GRB2: variants seen among roughly 807,000 people sequenced by gnomAD.
GRB2 encodes the protein growth factor receptor bound protein 2.
In GRB2, 2 loss-of-function variants were observed where a neutral mutation model predicts 27.4. That is an observed-to-expected ratio of 0.07 (90% confidence interval 0.03 to 0.23). The LOEUF is 0.23. Ranked by LOEUF, GRB2 falls within the 10% of genes least tolerant of loss-of-function variation. GRB2 has a pLI of 1.00. For synonymous variants in GRB2, 94 were observed against 99.6 expected (o/e 0.94, Z 0.33); for missense variants, 102 against 282.4 (o/e 0.36, Z 4.58).
At chr17:75,378,336 T>C (rs1270570685) in intron 2 of GRB2, among the ~76,000 whole-genome samples, 2 of 152,004 alleles carry the variant, frequency 1.3e-5, no homozygotes, top group African/African-American at 4.8e-5. Flanking sequence ...TGAGCTGAGA[T>C]CTCGCCACCG....
At chr17:75,393,460 A>T (rs2079010580) in intron 2 of GRB2, 91 bp downstream of exon 2, 2 of 986,318 alleles carry the variant, frequency 2.0e-6, no homozygotes, top group African/African-American at 3.2e-5. Context: ...TACAATGAAA[A>T]ACACAGCTTC....
intron 2 of GRB2, among the ~76,000 whole-genome samples, chr17:75,351,557 G>A (rs2078692400): frequency 6.6e-6 from 1 of 152,092 alleles, no homozygotes; most frequent in South Asian, 2.1e-4. Flanking sequence ...TGAGACTACA[G>A]TGGGAGGATC....
At position 75,378,164 on chromosome 17, in the gene GRB2, AG is replaced by A. The variant is rs2078906320; in HGVS notation, c.78+15386del. Among the ~76,000 whole-genome samples, 7 of 151,756 alleles carry A rather than the reference AG, an allele frequency of 4.6e-5. No homozygotes were observed. The South Asian group carries it at 1.3e-3, about 27-fold the overall frequency. On this transcript the variant is annotated intron_variant, in intron 2 of 5. Transcript: ENST00000316804. Reference sequence around the variant, plus strand: ...ACTTTGGGAGGCCGAGGTGGGGGGGAGGATCACCTGCAGTCAGGAGTTCGAG... The same window carrying A: ...ACTTTGGGAGGCCGAGGTGGGGGGGAGATCACCTGCAGTCAGGAGTTCGAG...
intron 2 of GRB2, among the ~76,000 whole-genome samples, chr17:75,335,069 G>A (rs2078567933): frequency 6.6e-6 from 1 of 152,040 alleles, no homozygotes; most frequent in Non-Finnish European, 1.5e-5. Flanking sequence ...TTACCTAAGT[G>A]TTGAGATTAC....
chr17:75,348,574 AG>A (rs1162217936), intron 2 of GRB2, among the ~76,000 whole-genome samples: 1 of 152,232 alleles, frequency 6.6e-6, no homozygotes, highest in African/African-American at 2.4e-5. Context: ...TTATGAGCTA[AG>A]GGAGCTATGT....
At chr17:75,382,703 T>TTTTA (rs3082679) in intron 2 of GRB2, among the ~76,000 whole-genome samples, 98,122 of 150,818 alleles carry the variant, frequency 0.65, 37,260 homozygotes, top group East Asian at 0.91. Flanking sequence ...ATCCTAAGAT[T>TTTTA]TTTATTTATT....
chr17:75,341,461 A>AC (rs1262644854), intron 2 of GRB2, among the ~76,000 whole-genome samples: 2 of 151,200 alleles, frequency 1.3e-5, no homozygotes, highest in African/African-American at 4.9e-5. Context: ...AAAAAAAAAA[A>AC]AAAAAAAACA....
At chr17:75,321,502 T>A (rs754218337) in intron 5 of GRB2, among the ~76,000 whole-genome samples, 157 bp downstream of exon 5, 79 of 152,112 alleles carry the variant, frequency 5.2e-4, no homozygotes, top group Non-Finnish European at 9.9e-4. Flanking sequence ...TTAGTGTGAA[T>A]GGAGGGTAAC....
intron 1 of GRB2, among the ~76,000 whole-genome samples, chr17:75,398,317 G>A (rs1451873233): frequency 6.6e-6 from 1 of 152,150 alleles, no homozygotes; most frequent in Non-Finnish European, 1.5e-5. Context: ...AGCAAAGGCT[G>A]GAGGGCAGTG....
At chr17:75,392,132 A>G (rs1049232930) in intron 2 of GRB2, among the ~76,000 whole-genome samples, 18 of 152,194 alleles carry the variant, frequency 1.2e-4, no homozygotes, top group South Asian at 4.1e-4. Flanking sequence ...CCATACACCA[A>G]TGAAAACTGA....
chr17:75,362,182 G>A (rs1322477347), intron 2 of GRB2, among the ~76,000 whole-genome samples: 1 of 152,102 alleles, frequency 6.6e-6, no homozygotes, highest in Admixed American at 6.5e-5. Context: ...CAGATACGTA[G>A]GTCCTACAGG....
intron 2 of GRB2, among the ~76,000 whole-genome samples, chr17:75,379,527 T>C (rs1331136492): frequency 2.0e-5 from 3 of 152,044 alleles, no homozygotes; most frequent in African/African-American, 7.2e-5. Flanking sequence ...GCGTCCCAAG[T>C]AGCTGGAACT....
chr17:75,354,403 C>T (rs867449878), intron 2 of GRB2, among the ~76,000 whole-genome samples: 3 of 152,126 alleles, frequency 2.0e-5, no homozygotes, highest in African/African-American at 7.2e-5. Context: ...GCTGGGATTA[C>T]AGGTGCCTGC....
chr17:75,390,466 A>T (rs574086619), intron 2 of GRB2, among the ~76,000 whole-genome samples: 139 of 152,268 alleles, frequency 9.1e-4, no homozygotes, highest in African/African-American at 3.2e-3. Flanking sequence ...GATGTATTCC[A>T]ACCACACCAG....
rs1429505024 is a variant in GRB2 at position 75,401,171 on chromosome 17, CGCAGTGG to C, written c.-138+4311_-138+4317del. Among the ~76,000 whole-genome samples, 17 of 152,172 alleles carry C rather than the reference CGCAGTGG, an allele frequency of 1.1e-4. No individual in the cohort carries two copies. The East Asian group carries it at 1.7e-3, about 16-fold the overall frequency. On this transcript the variant is annotated intron_variant, in intron 1 of 5. Coordinates refer to ENST00000316804, the MANE Select transcript of GRB2 (RefSeq NM_002086.5). ...GCTTAAAAAAAAAGGCTAGGCCGGG[CGCAGTGG>C]CTCACGCCTGTAATCCCAGCACTTT... is the stretch of plus-strand genomic sequence containing the variant.
intron 4 of GRB2, among the ~76,000 whole-genome samples, chr17:75,324,518 T>TTTTTTTTG (rs1567855797): frequency 7.8e-5 from 6 of 76,840 alleles, no homozygotes; most frequent in Admixed American, 3.0e-4. Context: ...TTTTTTTTTT[T>TTTTTTTTG]TTTTTTTTTT....
chr17:75,402,982 G>C (rs2079072954), intron 1 of GRB2, among the ~76,000 whole-genome samples: 1 of 144,106 alleles, frequency 6.9e-6, no homozygotes. Context: ...GGCTGAGGCA[G>C]AAGAATTGCC....
At chr17:75,393,824 G>T in intron 1 of GRB2, 59 bp from the exon 2 acceptor site, 1 of 553,304 alleles carries the variant, frequency 1.8e-6, no homozygotes, top group East Asian at 3.1e-5. Context: ...ACCCCGCCCT[G>T]CCAATCGGCC....
At chr17:75,400,965 A>AT (rs35284165) in intron 1 of GRB2, among the ~76,000 whole-genome samples, 7,187 of 142,200 alleles carry the variant, frequency 0.051, 482 homozygotes, top group African/African-American at 0.16. Flanking sequence ...GGATATATCA[A>AT]TTTTTTTTTT....
Sources: allele counts gnomAD v4.1 joint callset (sites outside exome capture counted in the v4.1 genomes callset), GRCh38; gene constraint gnomAD v4.1.1; transcripts MANE v1.5; gene names NCBI Gene and HGNC (gene_info 2026-07-23, HGNC 2026-07-21).